The following ANKRD13C variants were observed in gnomAD, a reference collection of about 807,000 sequenced individuals.
ANKRD13C encodes the protein ankyrin repeat domain 13C.
ANKRD13C carries 16 observed loss-of-function variants against 65.5 expected under a neutral mutation model. The observed-to-expected ratio is 0.24, with a 90% confidence interval of 0.17 to 0.37. The LOEUF is 0.37. Among genes scored for constraint, ANKRD13C ranks in the 10% least tolerant of loss-of-function variants. The probability of loss-of-function intolerance (pLI) is 1.00; values close to 1 mark genes in which losing one functional copy is unlikely to be tolerated. For synonymous variants in ANKRD13C, 235 were observed against 238.7 expected, an observed-to-expected ratio of 0.98 and a Z score of 0.14; for missense variants, 503 against 655.9, an observed-to-expected ratio of 0.77 and a Z score of 2.55.
rs574863853 is a variant in ANKRD13C, at chr1:70,354,189, C to T, written c.220G>A (p.Gly74Ser). The T allele has an allele frequency of 5.6e-6, 9 of 1,613,836 alleles. No individual in the cohort carries two copies. The highest frequency in any genetic ancestry group is 7.6e-6 in the Non-Finnish European group (9 of 1,180,000). The change falls in exon 1 of 13, where the codon GGC (glycine) becomes AGC (serine). Residue 74 changes from glycine to serine, a missense_variant. Physicochemically the swap from Gly to Ser is moderately conservative, Grantham distance 56 (BLOSUM62 0). Coordinates refer to ENST00000370944, the MANE Select transcript of ANKRD13C (RefSeq NM_030816.5). ...KAAPASSNPP[G>S]APALPLHNSS... is the part of the protein sequence containing the mutation. ...TTGTGCAGCGGCAGAGCCGGGGCGC[C>T]GGGGGGATTGGAGGAGGCCGGAGCT... is the stretch of plus-strand genomic sequence containing the variant.
At chr1:70,322,993 CA>C (rs1210556128) in intron 3 of ANKRD13C, among the ~76,000 whole-genome samples, 32 of 140,090 alleles carry the variant, frequency 2.3e-4, no homozygotes, top group South Asian at 2.3e-4. Context: ...AACTCCGTCT[CA>C]AAAAAAAAAA....
chr1:70,297,935 GAACA>G (rs1680166859), intron 7 of ANKRD13C, among the ~76,000 whole-genome samples: 3 of 147,106 alleles, frequency 2.0e-5, no homozygotes, highest in South Asian at 2.2e-4. Context: ...AAAAAACAAA[GAACA>G]AACAAACAAA....
chr1:70,276,986 T>C, intron 9 of ANKRD13C, 142 bp from the exon 10 acceptor site: 2 of 664,418 alleles, frequency 3.0e-6, no homozygotes. Flanking sequence ...AAAAGGTTCC[T>C]TCCAAGATCG....
intron 1 of ANKRD13C, among the ~76,000 whole-genome samples, chr1:70,347,564 A>C (rs1038787190): frequency 6.6e-6 from 1 of 152,158 alleles, no homozygotes; most frequent in East Asian, 1.9e-4. Context: ...CCCAGTGCAG[A>C]AAAGGGGAGA....
chr1:70,279,183 C>A (rs554960326), intron 9 of ANKRD13C, among the ~76,000 whole-genome samples: 1 of 152,080 alleles, frequency 6.6e-6, no homozygotes, highest in East Asian at 1.9e-4. Context: ...CTCCGGCCTA[C>A]AGGACAGAAC....
chr1:70,291,930 C>A (rs1255051424), intron 9 of ANKRD13C, among the ~76,000 whole-genome samples: 1 of 151,946 alleles, frequency 6.6e-6, no homozygotes, highest in Non-Finnish European at 1.5e-5. Context: ...ACCAGCCTGG[C>A]CAACATGATA....
intron 2 of ANKRD13C, among the ~76,000 whole-genome samples, chr1:70,328,483 T>G (rs925313888): frequency 6.6e-5 from 10 of 152,028 alleles, no homozygotes; most frequent in Non-Finnish European, 1.5e-4. Context: ...GCCAACATGG[T>G]GAAACCCCAT....
chr1:70,267,537 C>A (rs1472786133), intron 12 of ANKRD13C, among the ~76,000 whole-genome samples: 1 of 152,054 alleles, frequency 6.6e-6, no homozygotes, highest in Non-Finnish European at 1.5e-5. Context: ...CTGCACCCAG[C>A]CTGGATCATG....
In ANKRD13C at chr1:70,262,774, G is replaced by A. The variant is rs749384591; in HGVS notation, c.1569C>T (p.Ser523=). The A allele has an allele frequency of 6.2e-7, 1 of 1,613,562 alleles. No homozygotes were observed. The highest frequency in any genetic ancestry group is 1.1e-5 in the South Asian group (1 of 91,048). Residue 523 remains serine (S), a synonymous_variant, in exon 13 of 13, where the codon TCC becomes TCT. Transcript: ENST00000370944. ...TGTAGTCATCAGGTATAGTAAAGATGGAGCCATCAAATTCATCGTATCGAA... is the reference window on the plus strand; with the variant it reads ...TGTAGTCATCAGGTATAGTAAAGATAGAGCCATCAAATTCATCGTATCGAA... ...QEFRYDEFDG[S]IFTIPDDYKE...
chr1:70,276,823 T>A lies in ANKRD13C; in HGVS notation c.1237A>T (p.Thr413Ser), dbSNP rs17852616. ...GTAATAGTGTTCTGAGGAGGAGGTG[T>A]AAGAGACTGTCTTCGAATCGGCTGC... ...NFEPIRRQSL[T>S]PPPQNTITWE... Residue 413 changes from threonine to serine, a missense_variant, in exon 10 of 13, where the codon ACA becomes TCA. Physicochemically the swap from Thr to Ser is moderately conservative, Grantham distance 58. This residue lies in a region of ANKRD13C where 300 missense variants were observed against 478.3 expected (regional missense o/e 0.63). Transcript: ENST00000370944. The A allele has an allele frequency of 2.5e-6, 4 of 1,599,484 alleles. No individual in the cohort carries two copies. Among genetic ancestry groups the A allele is most frequent in the Non-Finnish European group, 2.6e-6 (3 of 1,176,170 alleles).
chr1:70,269,750 T>C (rs1478631902), intron 12 of ANKRD13C, among the ~76,000 whole-genome samples: 1 of 151,882 alleles, frequency 6.6e-6, no homozygotes, highest in Non-Finnish European at 1.5e-5. Flanking sequence ...AAAAAAGTCA[T>C]TTTTCATCTA....
intron 1 of ANKRD13C, among the ~76,000 whole-genome samples, chr1:70,337,590 T>TA (rs142927587): frequency 0.017 from 2,636 of 151,200 alleles, 81 homozygotes; most frequent in African/African-American, 0.06. Flanking sequence ...TCAAAATAAA[T>TA]AAATAAAATA....
At chr1:70,351,856 G>T (rs1036588474) in intron 1 of ANKRD13C, among the ~76,000 whole-genome samples, 2 of 152,060 alleles carry the variant, frequency 1.3e-5, no homozygotes, top group African/African-American at 4.8e-5. Flanking sequence ...GAGAAAAAAT[G>T]ACTAAATAAG....
intron 6 of ANKRD13C, among the ~76,000 whole-genome samples, chr1:70,302,717 C>T (rs1680422657): frequency 1.5e-5 from 1 of 67,798 alleles, no homozygotes. Flanking sequence ...CAGAGCGAGA[C>T]TCCGTCTCAA....
chr1:70,294,043 T>G (rs1410977248), intron 8 of ANKRD13C, among the ~76,000 whole-genome samples: 6 of 152,186 alleles, frequency 3.9e-5, no homozygotes, highest in Non-Finnish European at 7.3e-5. Context: ...ATCCATCATA[T>G]AGAATACTAT....
Position 70,260,740 on chromosome 1 carries a change from A to C in ANKRD13C, c.*1977T>G, listed in dbSNP as rs1037879508. 2.0e-5 allele frequency: 3 copies of C among 152,104 alleles called. No homozygotes were observed. The highest frequency in any genetic ancestry group is 2.9e-5 in the Non-Finnish European group (2 of 67,968). 9.4% of individuals were successfully genotyped at this position (152,104 alleles called of 1,614,324 possible). A position where few individuals can be genotyped will look rare whatever the true frequency, so the allele number is the denominator to read the frequency against. ...TGTTTCTACCATTCTTTAAAGAAAA[A>C]AGCTTTAAAAACAAAATTCAAGTGC... On this transcript the variant is annotated 3_prime_UTR_variant, in exon 13 of 13. Coordinates refer to ENST00000370944, the MANE Select transcript of ANKRD13C (RefSeq NM_030816.5).
At chr1:70,328,245 A>C (rs1258520956) in intron 2 of ANKRD13C, among the ~76,000 whole-genome samples, 1 of 152,170 alleles carries the variant, frequency 6.6e-6, no homozygotes, top group East Asian at 1.9e-4. Context: ...GGAATTAAAT[A>C]AATCAAAAAA....
chr1:70,323,535 T>C (rs1055670550), intron 3 of ANKRD13C, among the ~76,000 whole-genome samples: 1 of 151,530 alleles, frequency 6.6e-6, no homozygotes, highest in African/African-American at 2.4e-5. Context: ...CCCAGCTACT[T>C]GGGAGGCTGA....
At chr1:70,263,037 T>C (rs569846193) in intron 12 of ANKRD13C, among the ~76,000 whole-genome samples, 190 bp from the exon 13 acceptor site, 1 of 151,816 alleles carries the variant, frequency 6.6e-6, no homozygotes, top group Non-Finnish European at 1.5e-5. Context: ...TATTGATTAG[T>C]GAGGAGAAAA....
Sources: gnomAD v4.1 joint callset for allele counts (sites outside exome capture counted in the v4.1 genomes callset) on GRCh38, gnomAD v4.1.1 for gene constraint, gnomAD v4.1.1 regional missense constraint, MANE v1.5 for transcripts, NCBI Gene and HGNC (gene_info 2026-07-23, HGNC 2026-07-21) for gene names.